SMARCC1: variants seen among roughly 807,000 people sequenced by gnomAD.
SMARCC1 encodes the protein SWI/SNF related BAF chromatin remodeling complex subunit C1.
SMARCC1 carries 43 observed loss-of-function variants against 147.4 expected under a neutral mutation model. The ratio of observed to expected loss-of-function variants is 0.29; its 90% CI spans 0.23 to 0.38. The LOEUF (loss-of-function observed/expected upper bound fraction) is 0.38, where lower values mean the gene tolerates loss of function less well. Ranked by LOEUF, SMARCC1 falls within the 10% of genes least tolerant of loss-of-function variation. SMARCC1 has a pLI of 1.00. For missense variants in SMARCC1, 1,119 were observed against 1,381.1 expected, an observed-to-expected ratio of 0.81 and a Z score of 3.01; for synonymous variants, 495 against 484.4, an observed-to-expected ratio of 1.02 and a Z score of -0.29.
chr3:47,659,532 C>T (rs1317865785), intron 21 of SMARCC1, among the ~76,000 whole-genome samples: 1 of 151,954 alleles, frequency 6.6e-6, no homozygotes, highest in Non-Finnish European at 1.5e-5. Context: ...GGTGGTTCAA[C>T]ATGTGAGAAT....
intron 27 of SMARCC1, among the ~76,000 whole-genome samples, chr3:47,589,472 C>T (rs755704549): frequency 3.8e-4 from 58 of 152,128 alleles, no homozygotes; most frequent in Admixed American, 1.2e-3. Context: ...TCTTGATAGG[C>T]GAGCTCATTT....
intron 10 of SMARCC1, among the ~76,000 whole-genome samples, chr3:47,702,106 A>G (rs926656509): frequency 9.2e-5 from 14 of 152,238 alleles, no homozygotes; most frequent in Admixed American, 7.2e-4. Context: ...TCCAAATATC[A>G]GGAACTACAA....
At chr3:47,755,818 C>T (rs936507409) in intron 2 of SMARCC1, among the ~76,000 whole-genome samples, 18 of 151,600 alleles carry the variant, frequency 1.2e-4, no homozygotes, top group African/African-American at 4.1e-4. Context: ...TGGTGAAACA[C>T]GTCTCTACTA....
chr3:47,723,101 A>G (rs933753551), intron 6 of SMARCC1, among the ~76,000 whole-genome samples: 12 of 152,168 alleles, frequency 7.9e-5, no homozygotes, highest in Admixed American at 4.6e-4. Flanking sequence ...CTATATACTC[A>G]GATTGGTTGG....
chr3:47,675,863 T>A (rs1341817639), intron 17 of SMARCC1, among the ~76,000 whole-genome samples: 2 of 151,620 alleles, frequency 1.3e-5, no homozygotes, highest in African/African-American at 4.9e-5. Flanking sequence ...TAGAATTGCT[T>A]ATAACCCAGA....
chr3:47,718,588 A>G (rs1340421227), intron 7 of SMARCC1, among the ~76,000 whole-genome samples: 1 of 152,272 alleles, frequency 6.6e-6, no homozygotes, highest in Non-Finnish European at 1.5e-5. Flanking sequence ...GCAAGGGATA[A>G]AAGACTACAA....
chr3:47,744,195 G>A (rs992279843), intron 3 of SMARCC1, among the ~76,000 whole-genome samples: 3 of 152,100 alleles, frequency 2.0e-5, no homozygotes, highest in African/African-American at 7.2e-5. Context: ...AGGCAGGAGT[G>A]CAGTGGCGCA....
intron 10 of SMARCC1, among the ~76,000 whole-genome samples, chr3:47,703,426 A>G (rs758330557): frequency 2.7e-4 from 41 of 150,586 alleles, no homozygotes; most frequent in Non-Finnish European, 5.8e-4. Flanking sequence ...AGCAGATGTT[A>G]TTATACTAAT....
chr3:47,641,062 A>G (rs546513102), intron 21 of SMARCC1, among the ~76,000 whole-genome samples: 1 of 152,328 alleles, frequency 6.6e-6, no homozygotes, highest in East Asian at 1.9e-4. Context: ...AAATCCTACA[A>G]CAAATAACAT....
intron 12 of SMARCC1, among the ~76,000 whole-genome samples, chr3:47,691,383 G>A (rs2033787087): frequency 6.6e-6 from 1 of 152,138 alleles, no homozygotes. Context: ...GGAGGCCGAG[G>A]TGGGTGGGTC....
chr3:47,655,712 T>A (rs1032060640), intron 21 of SMARCC1, among the ~76,000 whole-genome samples: 2 of 151,610 alleles, frequency 1.3e-5, no homozygotes, highest in Non-Finnish European at 2.9e-5. Flanking sequence ...AAACAAAAAA[T>A]AATAATAATT....
chr3:47,667,621 G>A (rs1352720141), intron 19 of SMARCC1, among the ~76,000 whole-genome samples: 4 of 152,178 alleles, frequency 2.6e-5, no homozygotes, highest in East Asian at 1.9e-4. Flanking sequence ...GCTTGTGCCT[G>A]TAATCCCAGC....
chr3:47,609,802 T>C (rs1220470732), intron 26 of SMARCC1, among the ~76,000 whole-genome samples: 1 of 152,170 alleles, frequency 6.6e-6, no homozygotes, highest in Non-Finnish European at 1.5e-5. Context: ...TAATCCAAGA[T>C]AAATTCTGAA....
At chr3:47,755,989 TAAAAAAAAAAAAAAAA>T (rs34001771) in intron 2 of SMARCC1, among the ~76,000 whole-genome samples, 11 of 22,910 alleles carry the variant, frequency 4.8e-4, no homozygotes, top group South Asian at 5.0e-3. Flanking sequence ...GGCTTCATCT[TAAAAAAAAAAAAAAAA>T]AAAAAAAAAA....
intron 19 of SMARCC1, among the ~76,000 whole-genome samples, chr3:47,663,209 GGGGA>G (rs2033373879): frequency 2.9e-5 from 1 of 34,914 alleles, no homozygotes; most frequent in Admixed American, 3.1e-4. Flanking sequence ...GGGGAGGGGA[GGGGA>G]GGAAGGAAGG....
chr3:47,592,539 C>A (rs527721203), intron 26 of SMARCC1, among the ~76,000 whole-genome samples: 1 of 152,324 alleles, frequency 6.6e-6, no homozygotes, highest in South Asian at 2.1e-4. Context: ...GCGATCCCTG[C>A]TTTGGATATG....
At chr3:47,616,590 C>T (rs1356064009) in intron 25 of SMARCC1, among the ~76,000 whole-genome samples, 4 of 151,736 alleles carry the variant, frequency 2.6e-5, no homozygotes, top group African/African-American at 9.7e-5. Flanking sequence ...GGATTACAGG[C>T]GCCCACCATC....
At chr3:47,658,708 A>T (rs2033295983) in intron 21 of SMARCC1, among the ~76,000 whole-genome samples, 1 of 152,226 alleles carries the variant, frequency 6.6e-6, no homozygotes, top group Non-Finnish European at 1.5e-5. Context: ...TTTTGTTGTT[A>T]TAAATTTTTT....
chr3:47,685,108 C>T (rs1230576500), intron 14 of SMARCC1, among the ~76,000 whole-genome samples: 1 of 152,192 alleles, frequency 6.6e-6, no homozygotes, highest in African/African-American at 2.4e-5. Context: ...CTATCACCAT[C>T]ACTACTTCTA....
Sources: allele counts gnomAD v4.1 joint callset (sites outside exome capture counted in the v4.1 genomes callset), GRCh38; gene constraint gnomAD v4.1.1; transcripts MANE v1.5; gene names NCBI Gene and HGNC (gene_info 2026-07-23, HGNC 2026-07-21).